Variants in RALGPS1 observed in about 807,000 individuals in gnomAD.
RALGPS1 encodes the protein ras-specific guanine nucleotide-releasing factor RalGPS1.
In RALGPS1, 19 loss-of-function variants were observed where a neutral mutation model predicts 78.8. The ratio of observed to expected loss-of-function variants is 0.24; its 90% confidence interval spans 0.17 to 0.35. The LOEUF is 0.35. Among genes scored for constraint, RALGPS1 ranks in the 10% least tolerant of loss-of-function variants. RALGPS1 has a pLI of 1.00. For missense variants in RALGPS1, 454 were observed against 688.3 expected (o/e 0.66, Z 3.81); for synonymous variants, 228 against 256.3 (o/e 0.89, Z 1.06).
chr9:127,077,829 C>G (rs1334312516), intron 8 of RALGPS1, among the ~76,000 whole-genome samples: 2 of 152,214 alleles, frequency 1.3e-5, no homozygotes, highest in African/African-American at 4.8e-5. Flanking sequence ...CCCGCTGGTC[C>G]CCTCCTGCAT....
chr9:127,177,490 T>C (rs2059947428), intron 11 of RALGPS1, among the ~76,000 whole-genome samples: 1 of 152,156 alleles, frequency 6.6e-6, no homozygotes, highest in Admixed American at 6.5e-5. Context: ...AGCTGGTCCC[T>C]GCATTTCACC....
intron 8 of RALGPS1, among the ~76,000 whole-genome samples, chr9:127,093,279 A>G (rs780991687): frequency 5.3e-5 from 8 of 152,164 alleles, no homozygotes; most frequent in Admixed American, 1.3e-4. Flanking sequence ...GGACTTGAGC[A>G]TTGCCACAAC....
chr9:127,022,533 T>C (rs1202212555), intron 4 of RALGPS1, among the ~76,000 whole-genome samples: 1 of 151,192 alleles, frequency 6.6e-6, no homozygotes, highest in African/African-American at 2.4e-5. Context: ...AAAAAAAAAT[T>C]GCACTCTTTA....
rs114459268 is a variant in RALGPS1, at chr9:126,958,843, G to A, written c.-65-3382G>A. Among the ~76,000 whole-genome samples the A allele has an allele frequency of 4.7e-3, 712 of 152,236 alleles. 7 individuals are homozygous for A. Among genetic ancestry groups the A allele is most frequent in the African/African-American group, 0.016 (681 of 41,544 alleles). On this transcript the variant is annotated intron_variant, in intron 1 of 18. Coordinates refer to ENST00000259351, the MANE Select transcript of RALGPS1 (RefSeq NM_014636.3). ...TTAACTTTTTAAGAGAATACCAAACGATCTTTCAAAGTGCCTGTGCCATTC... is the reference window on the plus strand; with the variant it reads ...TTAACTTTTTAAGAGAATACCAAACAATCTTTCAAAGTGCCTGTGCCATTC...
At chr9:127,138,914 G>T (rs1386001715) in intron 8 of RALGPS1, among the ~76,000 whole-genome samples, 2 of 152,166 alleles carry the variant, frequency 1.3e-5, no homozygotes, top group East Asian at 3.8e-4. Context: ...TCTCTAATTG[G>T]CAGTAATTTT....
At chr9:126,938,237 C>T (rs756071336) in intron 1 of RALGPS1, among the ~76,000 whole-genome samples, 13 of 152,140 alleles carry the variant, frequency 8.5e-5, no homozygotes, top group East Asian at 1.9e-4. Context: ...GAAATTGGCA[C>T]GAGAGAAGGC....
rs1453289527 is a variant in RALGPS1, at chr9:127,209,280, G to A, written c.1248-2851G>A. ...TTCTGCATGGGCTAGCGACCTGGCC[G>A]TGCTAGTGCACTCACTTGCGAGGTG... On this transcript the variant is annotated intron_variant, in intron 14 of 18. Transcript: ENST00000259351. 3.9e-5 allele frequency among the ~76,000 whole-genome samples: 6 copies of A among 152,378 alleles called. No homozygotes were observed. In the East Asian group the frequency reaches 9.6e-4, roughly 25 times the overall value.
chr9:127,032,418 T>A (rs1421133068), intron 4 of RALGPS1, among the ~76,000 whole-genome samples: 5 of 152,060 alleles, frequency 3.3e-5, no homozygotes, highest in African/African-American at 9.7e-5. Context: ...TATTCGAAAA[T>A]TCAGGAAAAA....
At chr9:126,969,601 A>G (rs1185278611) in intron 3 of RALGPS1, among the ~76,000 whole-genome samples, 1 of 152,156 alleles carries the variant, frequency 6.6e-6, no homozygotes, top group African/African-American at 2.4e-5. Context: ...CTATTTATGT[A>G]TGTTTACTTG....
chr9:127,159,549 C>T (rs1169272678), intron 8 of RALGPS1, among the ~76,000 whole-genome samples: 3 of 152,194 alleles, frequency 2.0e-5, no homozygotes, highest in Non-Finnish European at 4.4e-5. Flanking sequence ...AGTAAGCTTC[C>T]AACAGCTTTC....
chr9:126,985,893 A>T (rs1588847205), intron 4 of RALGPS1, among the ~76,000 whole-genome samples: 1 of 152,216 alleles, frequency 6.6e-6, no homozygotes, highest in Admixed American at 6.5e-5. Context: ...GTGTGAATGG[A>T]TGCCTGAAAG....
intron 4 of RALGPS1, among the ~76,000 whole-genome samples, chr9:126,980,374 C>A (rs1469797566): frequency 6.6e-6 from 1 of 152,182 alleles, no homozygotes; most frequent in African/African-American, 2.4e-5. Flanking sequence ...TGTGTTTCAA[C>A]CCTGGCTGTG....
chr9:126,937,524 A>T (rs974179623), intron 1 of RALGPS1, among the ~76,000 whole-genome samples: 17 of 152,336 alleles, frequency 1.1e-4, no homozygotes, highest in African/African-American at 4.1e-4. Flanking sequence ...CACATAAAAA[A>T]GTAAAAAGAT....
intron 14 of RALGPS1, among the ~76,000 whole-genome samples, chr9:127,199,909 C>G (rs1440780368): frequency 2.6e-5 from 4 of 152,170 alleles, no homozygotes. Context: ...CACACACACA[C>G]ACGTACACAT....
chr9:127,054,744 G>A (rs2048570392), intron 7 of RALGPS1, among the ~76,000 whole-genome samples: 2 of 152,150 alleles, frequency 1.3e-5, no homozygotes, highest in African/African-American at 2.4e-5. Flanking sequence ...TTGGGAAGCT[G>A]GGGGTGGGAG....
chr9:127,008,558 A>G (rs1466829793), intron 4 of RALGPS1, among the ~76,000 whole-genome samples: 1 of 152,112 alleles, frequency 6.6e-6, no homozygotes, highest in African/African-American at 2.4e-5. Flanking sequence ...TTAGATCCCT[A>G]GTTGCCTAGA....
At chr9:127,010,972 A>G (rs914677475) in intron 4 of RALGPS1, among the ~76,000 whole-genome samples, 10 of 152,070 alleles carry the variant, frequency 6.6e-5, no homozygotes, top group African/African-American at 2.4e-4. Flanking sequence ...TCAGTGGCCC[A>G]TCTGGGTCTT....
intron 3 of RALGPS1, 133 bp from the exon 4 acceptor site, chr9:126,977,562 C>A: frequency 2.1e-6 from 1 of 474,368 alleles, no homozygotes; most frequent in Non-Finnish European, 3.6e-6. Flanking sequence ...CAATTTTTTA[C>A]TCTATTTGGT....
At chr9:127,199,140 G>A (rs2061489470) in intron 14 of RALGPS1, 74 bp downstream of exon 14, 4 of 1,410,388 alleles carry the variant, frequency 2.8e-6, no homozygotes, top group Non-Finnish European at 4.0e-6. Flanking sequence ...ACAGGCCCCG[G>A]GCAGGGACGG....
Sources: allele counts gnomAD v4.1 joint callset (sites outside exome capture counted in the v4.1 genomes callset), GRCh38; gene constraint gnomAD v4.1.1; transcripts MANE v1.5; gene names NCBI Gene and HGNC (gene_info 2026-07-23, HGNC 2026-07-21).